Variants in KIAA1549L observed in about 807,000 individuals in gnomAD.
KIAA1549L encodes the protein UPF0606 protein KIAA1549L.
In KIAA1549L, 88 loss-of-function variants were observed where a neutral mutation model predicts 160.7. The observed-to-expected ratio is 0.55, with a 90% confidence interval of 0.46 to 0.65. The LOEUF is 0.65. KIAA1549L is among the 30% of genes least tolerant of loss of function. The probability of loss-of-function intolerance (pLI) is 0.00; values close to 1 mark genes in which losing one functional copy is unlikely to be tolerated. For missense variants in KIAA1549L, 2,258 were observed against 2,437.5 expected (o/e 0.93, Z 1.55); for synonymous variants, 950 against 976.7 (o/e 0.97, Z 0.51).
chr11:33,651,766 G>A (rs1851894437), intron 17 of KIAA1549L, among the ~76,000 whole-genome samples: 2 of 151,938 alleles, frequency 1.3e-5, no homozygotes, highest in African/African-American at 2.4e-5. Context: ...ATGCTAGAGA[G>A]TATGGCACTG....
rs116417117 is a variant in KIAA1549L at position 33,483,756 on chromosome 11, G to A, written c.239-58046G>A. Among the ~76,000 whole-genome samples, 1,312 of 152,244 alleles carry A rather than the reference G, an allele frequency of 8.6e-3. 20 individuals carry two copies. Among genetic ancestry groups the A allele is most frequent in the African/African-American group, 0.027 (1,140 of 41,534 alleles). On this transcript the variant is annotated intron_variant, in intron 1 of 20. Transcript: ENST00000658780. ...GGTTTTATAAGGGGAAACCCCTTTC[G>A]CTTGGTTCCCATCTGTGACCATGTA...
chr11:33,573,521 A>G (rs1392903403), intron 9 of KIAA1549L, among the ~76,000 whole-genome samples: 4 of 152,194 alleles, frequency 2.6e-5, no homozygotes, highest in African/African-American at 7.2e-5. Flanking sequence ...CCACTACACT[A>G]TAGTATGTCA....
chr11:33,503,602 A>G (rs561716710), intron 1 of KIAA1549L, among the ~76,000 whole-genome samples: 2 of 152,364 alleles, frequency 1.3e-5, no homozygotes, highest in South Asian at 4.1e-4. Flanking sequence ...GAGATAGTAC[A>G]TTTATCACAT....
At chr11:33,656,771 C>A (rs1246828602) in intron 18 of KIAA1549L, among the ~76,000 whole-genome samples, 2 of 152,120 alleles carry the variant, frequency 1.3e-5, no homozygotes, top group Non-Finnish European at 2.9e-5. Context: ...AACCATGGGT[C>A]TGGGCTTTGT....
chr11:33,579,881 A>G (rs750025375), intron 10 of KIAA1549L, among the ~76,000 whole-genome samples: 1 of 152,102 alleles, frequency 6.6e-6, no homozygotes, highest in Non-Finnish European at 1.5e-5. Context: ...GAGGGCAGAG[A>G]TCTTTAAAAT....
chr11:33,579,976 ACTTTGTCTCT>A (rs1356202886), intron 10 of KIAA1549L, among the ~76,000 whole-genome samples: 5 of 152,150 alleles, frequency 3.3e-5, no homozygotes, highest in Non-Finnish European at 7.4e-5. Context: ...AGTGTTGAAT[ACTTTGTCTCT>A]CTGAAGGGAG....
intron 1 of KIAA1549L, among the ~76,000 whole-genome samples, chr11:33,385,310 A>G (rs1195837698): frequency 6.6e-6 from 1 of 152,144 alleles, no homozygotes; most frequent in Non-Finnish European, 1.5e-5. Context: ...CCAGTACAAC[A>G]CTGTCTTGAT....
At chr11:33,521,391 T>G (rs981427030) in intron 1 of KIAA1549L, among the ~76,000 whole-genome samples, 1 of 152,230 alleles carries the variant, frequency 6.6e-6, no homozygotes, top group Non-Finnish European at 1.5e-5. Context: ...TTAACTTTTC[T>G]GTGCCTGCAT....
Position 33,583,233 on chromosome 11 carries a change from G to A in KIAA1549L, c.4403-105G>A, listed in dbSNP as rs551139221. ...ACCCCAAACCCTCTTAACCTCCCAC[G>A]TCCTTCTGTCCAGGACTTGGGACTG... On this transcript the variant is annotated intron_variant, in intron 10 of 20. Transcript: ENST00000658780. The A allele has an allele frequency of 8.9e-4, 978 of 1,094,816 alleles. 1 individual carries two copies. Among genetic ancestry groups the A allele is most frequent in the Non-Finnish European group, 1.1e-3 (823 of 770,594 alleles). The allele number at this position is 1,094,816 out of a possible 1,614,324, so 67.8% of individuals were successfully genotyped here. A position where few individuals can be genotyped will look rare whatever the true frequency, so the allele number is the denominator to read the frequency against.
In KIAA1549L at chr11:33,376,566, T is replaced by C. The variant is rs1849956591; in HGVS notation, c.-86T>C. ...CCGGCGCCCGGGCCGTGGCCGGCGA[T>C]GCCCGGTGAGGACCGGGGCGCCGAG... On this transcript the variant is annotated 5_prime_UTR_variant, in exon 1 of 21. An upstream start codon of the reference 5' UTR is lost. Coordinates refer to ENST00000658780, the MANE Select transcript of KIAA1549L (RefSeq NM_012194.3). This position sits in a 1 kb window ranked among gnomAD's most constrained non-coding sequence, Gnocchi z 5.8. 1 of 148,350 alleles carries C rather than the reference T, an allele frequency of 6.7e-6. No individual in the cohort carries two copies. Among genetic ancestry groups the C allele is most frequent in the Non-Finnish European group, 1.5e-5 (1 of 66,658 alleles). The allele number at this position is 148,350 out of a possible 1,614,324, so 9.2% of individuals were successfully genotyped here.
In KIAA1549L at chr11:33,544,878, G is replaced by A. The variant is rs1197667532; in HGVS notation, c.2885G>A (p.Ser962Asn). The stretch of plus-strand genomic sequence containing the variant: ...GCAGCCCTGGTTGCTAAGGGCACCA[G>A]CAGCAGCCCTTTGGCCGTGGCCTCA... ...LSAALVAKGT[S>N]SSPLAVASGP... The change falls in exon 3 of 21, where the codon AGC (serine) becomes AAC (asparagine). Residue 962 changes from serine (S) to asparagine (N), a missense_variant. Physicochemically the swap from Ser to Asn is conservative, Grantham distance 46 (BLOSUM62 1). Coordinates refer to ENST00000658780, the MANE Select transcript of KIAA1549L (RefSeq NM_012194.3). 5.6e-6 allele frequency: 9 copies of A among 1,613,588 alleles called. No individual in the cohort carries two copies. In the South Asian group the frequency reaches 9.9e-5, roughly 18 times the overall value.
chr11:33,447,790 C>G (rs772363647), intron 1 of KIAA1549L, among the ~76,000 whole-genome samples: 1 of 151,864 alleles, frequency 6.6e-6, no homozygotes, highest in Non-Finnish European at 1.5e-5. Flanking sequence ...GTCATTTTAC[C>G]CTTAGTACCT....
chr11:33,601,390 T>A (rs1850356233), intron 13 of KIAA1549L, among the ~76,000 whole-genome samples: 1 of 152,180 alleles, frequency 6.6e-6, no homozygotes, highest in South Asian at 2.1e-4. Context: ...TATCAGAGGG[T>A]TCCATTTTAT....
intron 1 of KIAA1549L, among the ~76,000 whole-genome samples, chr11:33,533,414 A>G (rs1451285872): frequency 2.0e-5 from 3 of 152,220 alleles, no homozygotes; most frequent in Non-Finnish European, 4.4e-5. Context: ...CTGGCTAAGC[A>G]CTTTCTTAAT....
At chr11:33,386,872 C>G (rs1475003596) in intron 1 of KIAA1549L, among the ~76,000 whole-genome samples, 1 of 152,090 alleles carries the variant, frequency 6.6e-6, no homozygotes, top group Non-Finnish European at 1.5e-5. Context: ...TTTGGGAGCC[C>G]AAGGAGGGTG....
chr11:33,657,581 G>A (rs1175756739), intron 18 of KIAA1549L, among the ~76,000 whole-genome samples: 1 of 152,138 alleles, frequency 6.6e-6, no homozygotes, highest in Non-Finnish European at 1.5e-5. Flanking sequence ...TGGATCATTT[G>A]AGGCCAGGAG....
chr11:33,544,379 A>T, intron 2 of KIAA1549L, 43 bp downstream of exon 2: 1 of 1,592,218 alleles, frequency 6.3e-7, no homozygotes, highest in African/African-American at 1.3e-5. Flanking sequence ...GGTACCCCCA[A>T]AACAGGCATG....
chr11:33,432,633 C>T lies in KIAA1549L; in HGVS notation c.238+55744C>T, dbSNP rs186043788. On this transcript the variant is annotated intron_variant, in intron 1 of 20. Transcript: ENST00000658780. ...AATATGGGCATTCTTCAAGACAATT[C>T]TAAGCAAAAAGAACAAAGCTGGAGG... is the stretch of plus-strand genomic sequence containing the variant. Among the ~76,000 whole-genome samples the T allele has an allele frequency of 4.7e-4, 71 of 152,242 alleles. 1 individual carries two copies. Among genetic ancestry groups the T allele is most frequent in the Non-Finnish European group, 3.8e-4 (26 of 68,012 alleles).
intron 18 of KIAA1549L, 71 bp downstream of exon 18, chr11:33,656,180 C>A: frequency 8.6e-7 from 1 of 1,168,732 alleles, no homozygotes. Flanking sequence ...CCTGACCTGA[C>A]AACAGCACCG....
Sources: allele counts gnomAD v4.1 joint callset (sites outside exome capture counted in the v4.1 genomes callset), GRCh38; gene constraint gnomAD v4.1.1; non-coding constraint Gnocchi (gnomAD v3.1); transcripts MANE v1.5; gene names NCBI Gene and HGNC (gene_info 2026-07-23, HGNC 2026-07-21).